NUBP1: variants seen among roughly 807,000 people sequenced by gnomAD.
NUBP1 encodes cytosolic Fe-S cluster assembly factor NUBP1.
NUBP1 carries 46 observed loss-of-function variants against 41.8 expected under a neutral mutation model. That is an observed-to-expected ratio of 1.10 (90% CI 0.87 to 1.41). NUBP1 has a LOEUF of 1.41. NUBP1 is among the 40% of genes most tolerant of loss of function. NUBP1 has a pLI of 0.00. For synonymous variants in NUBP1, 189 were observed against 154.6 expected (o/e 1.22, Z -1.65); for missense variants, 494 against 414.0 (o/e 1.19, Z -1.68).
At chr16:10,744,595 G>A (rs1020619394) in intron 2 of NUBP1, among the ~76,000 whole-genome samples, 4 of 152,218 alleles carry the variant, frequency 2.6e-5, no homozygotes, top group Non-Finnish European at 4.4e-5. Context: ...CACTGCTCTA[G>A]TGGAGTTTAG....
chr16:10,749,908 A>T lies in NUBP1; in HGVS notation c.258+2632A>T, dbSNP rs1900239233. 6.6e-6 allele frequency among the ~76,000 whole-genome samples: 1 copy of T among 152,354 alleles called. No homozygotes were observed. Among genetic ancestry groups the T allele is most frequent in the South Asian group, 2.1e-4 (1 of 4,832 alleles). On this transcript the variant is annotated intron_variant, in intron 3 of 10. Coordinates refer to ENST00000283027, the MANE Select transcript of NUBP1 (RefSeq NM_002484.4). This position sits in a 1 kb window ranked among gnomAD's most constrained non-coding sequence, Gnocchi z 4.1. ...GGAGTGTGTAAGTTGTGGTGAAGGC[A>T]GAAGGAGCCTCTGTAGCATAAGCCT...
intron 10 of NUBP1, 44 bp from the exon 11 acceptor site, chr16:10,769,003 T>A: frequency 6.4e-7 from 1 of 1,568,544 alleles, no homozygotes; most frequent in Non-Finnish European, 8.8e-7. Flanking sequence ...TGTCAAGGGG[T>A]AGACAAGCCA....
intron 9 of NUBP1, among the ~76,000 whole-genome samples, chr16:10,762,845 T>C (rs1262293158): frequency 2.0e-5 from 3 of 150,162 alleles, no homozygotes; most frequent in Admixed American, 2.0e-4. Context: ...GTGGAGAGCC[T>C]GGAGGCGGGG....
Position 10,766,578 on chromosome 16 carries a change from C to T in NUBP1, c.821-1371C>T, listed in dbSNP as rs553389814. The T allele has an allele frequency of 2.4e-5, 4 of 169,280 alleles. No homozygotes were observed. In the Admixed American group the frequency reaches 2.5e-4, roughly 11 times the overall value. 10.5% of individuals were successfully genotyped at this position (169,280 alleles called of 1,614,324 possible). On this transcript the variant is annotated intron_variant, in intron 9 of 10. Coordinates refer to ENST00000283027, the MANE Select transcript of NUBP1 (RefSeq NM_002484.4). This position sits in a 1 kb window ranked among gnomAD's most constrained non-coding sequence, Gnocchi z 4.8. ...AGCGAACGTGCACTCAGGGGCCTCC[C>T]TAGCGAGTTCCACATGGTCTCATGG...
rs1416264228 is a variant in NUBP1, at chr16:10,761,841, C to T, written c.802C>T (p.Pro268Ser). Reference sequence around the variant, plus strand: ...GGAGGTCCCTCTCCTCGGCAGAGTGCCCCTGGATCCGCTCATAGGTGGGTG... The same window carrying T: ...GGAGGTCCCTCTCCTCGGCAGAGTGTCCCTGGATCCGCTCATAGGTGGGTG... ...DLEVPLLGRV[P>S]LDPLIGKNCD... Residue 268 changes from proline to serine, a missense_variant, in exon 9 of 11, where the codon CCC becomes TCC. Physicochemically the swap from Pro to Ser is moderately conservative, Grantham distance 74. Transcript: ENST00000283027. The T allele has an allele frequency of 3.1e-6, 5 of 1,613,912 alleles. No homozygotes were observed. Among genetic ancestry groups the T allele is most frequent in the South Asian group, 2.2e-5 (2 of 91,076 alleles).
chr16:10,744,749 T>C (rs1165695517), intron 2 of NUBP1, among the ~76,000 whole-genome samples: 1 of 151,990 alleles, frequency 6.6e-6, no homozygotes, highest in East Asian at 1.9e-4. Context: ...ACAATATTTT[T>C]TTTTCTTTTT....
Position 10,752,627 on chromosome 16 carries a change from C to T in NUBP1, c.276C>T (p.Ile92=), listed in dbSNP as rs781324688. 5 of 1,613,360 alleles carry T rather than the reference C, an allele frequency of 3.1e-6. No homozygotes were observed. The African/African-American group carries it at 4.0e-5, about 13-fold the overall frequency. Residue 92 remains isoleucine (I), a synonymous_variant, in exon 4 of 11, where the codon ATC becomes ATT. Coordinates refer to ENST00000283027, the MANE Select transcript of NUBP1 (RefSeq NM_002484.4). ...GTCCCCAGATTGCTCTTCTAGACATCGATATATGTGGGCCATCGATTCCCA... is the reference window on the plus strand; with the variant it reads ...GTCCCCAGATTGCTCTTCTAGACATTGATATATGTGGGCCATCGATTCCCA... The part of the protein sequence containing the change: ...DENTQIALLD[I]DICGPSIPKI...
intron 7 of NUBP1, among the ~76,000 whole-genome samples, chr16:10,758,929 C>A (rs994414931): frequency 1.3e-5 from 2 of 152,212 alleles, no homozygotes; most frequent in Admixed American, 6.5e-5. Flanking sequence ...TCTGTAAGTC[C>A]TGCAGAGAGC....
chr16:10,755,434 C>A (rs1567257482), intron 4 of NUBP1, among the ~76,000 whole-genome samples: 1 of 152,254 alleles, frequency 6.6e-6, no homozygotes, highest in East Asian at 1.9e-4. Context: ...TTTTAAGATA[C>A]CTTAGACACA....
At position 10,761,526 on chromosome 16, in the gene NUBP1, G is replaced by A. The variant is rs2029897323; in HGVS notation, c.717+52G>A. ...AGCAAGATCTTGCTCTCATGGATGA[G>A]GAAACGATCGGAAGGCTGCTCTGCA... is the stretch of plus-strand genomic sequence containing the variant. On this transcript the variant is annotated intron_variant, in intron 8 of 10. Coordinates refer to ENST00000283027, the MANE Select transcript of NUBP1 (RefSeq NM_002484.4). The A allele has an allele frequency of 4.2e-6, 6 of 1,427,796 alleles. No homozygotes were observed. The East Asian group carries it at 1.4e-4, about 33-fold the overall frequency. The allele number at this position is 1,427,796 out of a possible 1,614,324, so 88.4% of individuals were successfully genotyped here.
rs1222570734 is a variant in NUBP1, at chr16:10,767,195, C to A, written c.821-754C>A. ...AGCAAGCTGATGGCAGGTCCACCCACGACTGGGGGCTGGCAGGGCAGACTG... is the reference window on the plus strand; with the variant it reads ...AGCAAGCTGATGGCAGGTCCACCCAAGACTGGGGGCTGGCAGGGCAGACTG... On this transcript the variant is annotated intron_variant, in intron 9 of 10. Transcript: ENST00000283027. The surrounding 1 kb of genome is among the most constrained non-coding windows in gnomAD (Gnocchi z 4.6). The A allele has an allele frequency of 2.5e-6, 1 of 399,848 alleles. No individual in the cohort carries two copies. Among genetic ancestry groups the A allele is most frequent in the Non-Finnish European group, 4.4e-6 (1 of 227,104 alleles). 24.8% of individuals were successfully genotyped at this position (399,848 alleles called of 1,614,324 possible).
rs557673453 is a variant in NUBP1 at position 10,768,870 on chromosome 16, TAGTGTG to T, written c.905-174_905-169del. The T allele has an allele frequency of 3.1e-5, 18 of 572,318 alleles. No individual in the cohort carries two copies. The highest frequency in any genetic ancestry group is 5.3e-5 in the Non-Finnish European group (17 of 319,548). The allele number at this position is 572,318 out of a possible 1,614,324, so 35.5% of individuals were successfully genotyped here. A position where few individuals can be genotyped will look rare whatever the true frequency, so the allele number is the denominator to read the frequency against. ...AGCCACTGGTTATGAGCAAGATGGG[TAGTGTG>T]AGGTATTCCGGTCACTTTCAAAGAC... On this transcript the variant is annotated intron_variant, in intron 10 of 10. Transcript: ENST00000283027. This position sits in a 1 kb window ranked among gnomAD's most constrained non-coding sequence, Gnocchi z 4.3.
intron 9 of NUBP1, chr16:10,763,485 T>A (rs905447067): frequency 6.6e-6 from 1 of 152,262 alleles, no homozygotes; most frequent in South Asian, 2.1e-4. Context: ...TTCTCTGGCA[T>A]GTGATTTCCC....
chr16:10,751,254 A>G (rs1266588282), intron 3 of NUBP1, among the ~76,000 whole-genome samples: 1 of 152,152 alleles, frequency 6.6e-6, no homozygotes, highest in Non-Finnish European at 1.5e-5. Flanking sequence ...TAGAAACCTG[A>G]GAGTATCGAG....
intron 3 of NUBP1, among the ~76,000 whole-genome samples, chr16:10,751,888 T>G (rs1255228200): frequency 6.6e-6 from 1 of 152,208 alleles, no homozygotes; most frequent in East Asian, 1.9e-4. Context: ...AGAGCCCCAG[T>G]TGGGGCCGAA....
chr16:10,754,938 G>C (rs1277177949), intron 4 of NUBP1, among the ~76,000 whole-genome samples: 2 of 152,120 alleles, frequency 1.3e-5, no homozygotes, highest in African/African-American at 4.8e-5. Flanking sequence ...TCAGCTACCT[G>C]GGAGGCTAAG....
rs1482960990 is a variant in NUBP1, at chr16:10,757,368, T to A, written c.452-505T>A. ...GCTTATTTGGGTCAGAGAGGTGAGA[T>A]CAACAGGAGGTTGATCTGGTACTGA... On this transcript the variant is annotated intron_variant, in intron 6 of 10. Transcript: ENST00000283027. The surrounding 1 kb of genome is among the most constrained non-coding windows in gnomAD (Gnocchi z 4.1). 6.6e-6 allele frequency among the ~76,000 whole-genome samples: 1 copy of A among 152,090 alleles called. No individual in the cohort carries two copies. The highest frequency in any genetic ancestry group is 1.5e-5 in the Non-Finnish European group (1 of 67,996).
intron 9 of NUBP1, 188 bp downstream of exon 9, chr16:10,762,047 G>C (rs2029998631): frequency 1.9e-6 from 1 of 538,874 alleles, no homozygotes; most frequent in Admixed American, 3.2e-5. Context: ...GACCCCTGCG[G>C]GCAGGTAGCG....
At position 10,768,216 on chromosome 16, in the gene NUBP1, A is replaced by G; in HGVS notation, c.904+184A>G. On this transcript the variant is annotated intron_variant, in intron 10 of 10. Transcript: ENST00000283027. The surrounding 1 kb of genome is among the most constrained non-coding windows in gnomAD (Gnocchi z 4.3). ...ATGTGTGAGTATTGTGAATTAATTC[A>G]TAGTTTAAAAAACATGGTGAGGGTG... is the stretch of plus-strand genomic sequence containing the variant. 1 of 484,788 alleles carries G rather than the reference A, an allele frequency of 2.1e-6. No individual in the cohort carries two copies. Among genetic ancestry groups the G allele is most frequent in the Non-Finnish European group, 3.6e-6 (1 of 274,300 alleles). The allele number at this position is 484,788 out of a possible 1,614,324, so 30.0% of individuals were successfully genotyped here.
Sources: allele counts gnomAD v4.1 joint callset (sites outside exome capture counted in the v4.1 genomes callset), GRCh38; gene constraint gnomAD v4.1.1; non-coding constraint Gnocchi (gnomAD v3.1); transcripts MANE v1.5; gene names NCBI Gene and HGNC (gene_info 2026-07-23, HGNC 2026-07-21).